The following FBN1 variants were observed in gnomAD, a reference collection of about 807,000 sequenced individuals.
FBN1 encodes fibrillin 1.
Under a neutral mutation model 365.1 loss-of-function variants are expected in FBN1, and 29 were observed. That is an observed-to-expected ratio of 0.08 (90% confidence interval 0.06 to 0.11). The LOEUF (loss-of-function observed/expected upper bound fraction) is 0.11. FBN1 is among the 10% of genes least tolerant of loss of function. The pLI, the probability that FBN1 is intolerant of heterozygous loss-of-function variation, is 1.00. For missense variants in FBN1, 2,476 were observed against 3,703.2 expected, an observed-to-expected ratio of 0.67 and a Z score of 8.60; for synonymous variants, 1,210 against 1,270.5, an observed-to-expected ratio of 0.95 and a Z score of 1.01.
chr15:48,515,821 T>A (rs1009341320), intron 11 of FBN1, among the ~76,000 whole-genome samples: 1 of 152,174 alleles, frequency 6.6e-6, no homozygotes, highest in Non-Finnish European at 1.5e-5. Context: ...GATATTGGTA[T>A]TGAACTACTT....
chr15:48,452,398 G>A (rs1301313451), intron 45 of FBN1, among the ~76,000 whole-genome samples, 164 bp downstream of exon 45: 1 of 152,186 alleles, frequency 6.6e-6, no homozygotes, highest in African/African-American at 2.4e-5. Context: ...TAGATATTTT[G>A]ACAATATCCC....
chr15:48,541,852 T>C (rs559221504), intron 6 of FBN1, among the ~76,000 whole-genome samples: 1 of 152,080 alleles, frequency 6.6e-6, no homozygotes, highest in African/African-American at 2.4e-5. Flanking sequence ...AACTAAAATA[T>C]AGTATTAGAA....
At chr15:48,561,926 T>G (rs2044224890) in intron 6 of FBN1, among the ~76,000 whole-genome samples, 1 of 152,146 alleles carries the variant, frequency 6.6e-6, no homozygotes, top group African/African-American at 2.4e-5. Context: ...AGCCCAAATT[T>G]TAGTGTCCAT....
intron 46 of FBN1, among the ~76,000 whole-genome samples, chr15:48,447,103 T>C (rs2043166120): frequency 6.6e-6 from 1 of 152,186 alleles, no homozygotes; most frequent in South Asian, 2.1e-4. Flanking sequence ...TATTTACTTC[T>C]AGAATTCTCC....
At chr15:48,462,417 T>A (rs1366962169) in intron 42 of FBN1, among the ~76,000 whole-genome samples, 2 of 152,196 alleles carry the variant, frequency 1.3e-5, no homozygotes, top group South Asian at 4.1e-4. Flanking sequence ...AAGAAATTTA[T>A]CTCGATCTCA....
At chr15:48,567,536 A>G (rs2448485) in intron 6 of FBN1, among the ~76,000 whole-genome samples, 51,988 of 151,934 alleles carry the variant, frequency 0.34, 10,357 homozygotes, top group African/African-American at 0.56. Context: ...CAATATTCCC[A>G]ATGAACAGAG....
chr15:48,419,979 G>A (rs746675021), intron 63 of FBN1, among the ~76,000 whole-genome samples: 1 of 152,160 alleles, frequency 6.6e-6, no homozygotes, highest in African/African-American at 2.4e-5. Context: ...AAATATTACC[G>A]TCCCTTTCTG....
At chr15:48,477,558 A>C (rs904981039) in intron 32 of FBN1, among the ~76,000 whole-genome samples, 3 of 152,182 alleles carry the variant, frequency 2.0e-5, no homozygotes, top group Non-Finnish European at 4.4e-5. Flanking sequence ...TCATTCATTA[A>C]TTGTTTCTGT....
At chr15:48,482,631 G>A (rs1186843590) in intron 31 of FBN1, among the ~76,000 whole-genome samples, 1 of 152,210 alleles carries the variant, frequency 6.6e-6, no homozygotes, top group African/African-American at 2.4e-5. Context: ...GGTAGTTAGG[G>A]TTCATAGGGC....
chr15:48,492,058 C>T (rs1766602881), intron 24 of FBN1, among the ~76,000 whole-genome samples: 1 of 152,156 alleles, frequency 6.6e-6, no homozygotes, highest in African/African-American at 2.4e-5. Flanking sequence ...ATCTTCACTC[C>T]TGATCTCCAC....
intron 14 of FBN1, among the ~76,000 whole-genome samples, chr15:48,509,273 T>C (rs1012397825): frequency 1.3e-5 from 2 of 151,888 alleles, no homozygotes; most frequent in East Asian, 1.9e-4. Flanking sequence ...ACCTTTAAGA[T>C]CCCTTAAACA....
At chr15:48,483,676 G>A (rs536163143) in intron 31 of FBN1, 142 bp downstream of exon 31, 292 of 926,590 alleles carry the variant, frequency 3.2e-4, no homozygotes, top group Non-Finnish European at 3.6e-4. Context: ...TGGAATGCTG[G>A]TTAAAATATG....
At chr15:48,567,749 C>A (rs1320402205) in intron 6 of FBN1, among the ~76,000 whole-genome samples, 1 of 151,912 alleles carries the variant, frequency 6.6e-6, no homozygotes, top group East Asian at 1.9e-4. Flanking sequence ...AAGCATTTGA[C>A]GAAATCCAAT....
chr15:48,473,242 T>C (rs994394191), intron 34 of FBN1, among the ~76,000 whole-genome samples: 26 of 152,198 alleles, frequency 1.7e-4, no homozygotes, highest in African/African-American at 6.3e-4. Context: ...TCATCTGAGA[T>C]AAAACTTTCA....
chr15:48,529,425 G>A, intron 8 of FBN1: 1 of 152,484 alleles, frequency 6.6e-6, no homozygotes, highest in African/African-American at 2.4e-5. Flanking sequence ...CCATGCCTAA[G>A]CCCCTTCATC....
At chr15:48,593,875 C>T (rs1328971034) in intron 6 of FBN1, among the ~76,000 whole-genome samples, 1 of 152,092 alleles carries the variant, frequency 6.6e-6, no homozygotes, top group Non-Finnish European at 1.5e-5. Context: ...TAGTAAAGGC[C>T]TCCCGGATCT....
chr15:48,414,820 C>T (rs1410577610), intron 64 of FBN1, among the ~76,000 whole-genome samples: 1 of 151,404 alleles, frequency 6.6e-6, no homozygotes, highest in African/African-American at 2.4e-5. Flanking sequence ...CGCGTGAACC[C>T]GGGAGGCAGA....
At chr15:48,428,196 TCA>T in intron 57 of FBN1, 148 bp downstream of exon 57, 1 of 986,508 alleles carries the variant, frequency 1.0e-6, no homozygotes, top group Non-Finnish European at 1.6e-6. Context: ...CAATGGACAA[TCA>T]CAGTCATTAC....
At chr15:48,511,197 T>C (rs972077606) in intron 13 of FBN1, among the ~76,000 whole-genome samples, 1 of 152,176 alleles carries the variant, frequency 6.6e-6, no homozygotes, top group African/African-American at 2.4e-5. Context: ...GTCTGTGTGG[T>C]GTCTTGTGGT....
Sources: gnomAD v4.1 joint callset for allele counts (sites outside exome capture counted in the v4.1 genomes callset) on GRCh38, gnomAD v4.1.1 for gene constraint, MANE v1.5 for transcripts, NCBI Gene and HGNC (gene_info 2026-07-23, HGNC 2026-07-21) for gene names.